Variants in ZFP57 observed in about 807,000 individuals in gnomAD.
The protein encoded by ZFP57 is ZFP57 zinc finger protein.
Under a neutral mutation model 15.8 loss-of-function variants are expected in ZFP57, and 12 were observed. The ratio of observed to expected loss-of-function variants is 0.76; its 90% CI spans 0.49 to 1.23. ZFP57 has a LOEUF of 1.23. Ranked by LOEUF, ZFP57 falls within the 50% of genes most tolerant of loss-of-function variation. The probability of loss-of-function intolerance (pLI) is 0.00; values close to 1 mark genes in which losing one functional copy is unlikely to be tolerated. For missense variants in ZFP57, 536 were observed against 654.9 expected, an observed-to-expected ratio of 0.82 and a Z score of 1.98; for synonymous variants, 203 against 242.3, an observed-to-expected ratio of 0.84 and a Z score of 1.51.
At chr6:29,672,482 C>T (rs925001776), downstream of ZFP57, 1 of 1,612,900 alleles carries the variant, frequency 6.2e-7, no homozygotes, top group East Asian at 2.2e-5. Flanking sequence ...AAAGAAAGAG[C>T]TCAGTCAGAA....
Position 29,672,728 on chromosome 6 carries a change from G to T in ZFP57, c.1383C>A (p.Gly461=). 2 of 1,613,056 alleles carry T rather than the reference G, an allele frequency of 1.2e-6. No individual in the cohort carries two copies. The highest frequency in any genetic ancestry group is 1.7e-6 in the Non-Finnish European group (2 of 1,180,026). ...EKEGLMDHWR[G]YKGKDLCQSS... ...TCTGGCACAGGTCCTTGCCTTTATA[G>T]CCCCTCCAGTGATCCATAAGGCCCT... Residue 461 remains glycine, a synonymous_variant, in exon 5 of 5, where the codon GGC becomes GGA. Coordinates refer to ENST00000376883, the MANE Select transcript of ZFP57 (RefSeq NM_001109809.5).
At chr6:29,678,661 CTAGT>C (rs1228175640) in intron 1 of ZFP57, among the ~76,000 whole-genome samples, 2 of 151,952 alleles carry the variant, frequency 1.3e-5, no homozygotes, top group African/African-American at 4.8e-5. Flanking sequence ...TATCTTATTA[CTAGT>C]TATTGTTGTC....
Position 29,672,795 on chromosome 6 carries a change from C to T in ZFP57, c.1316G>A (p.Ser439Asn). 2 of 1,613,100 alleles carry T rather than the reference C, an allele frequency of 1.2e-6. No homozygotes were observed. The highest frequency in any genetic ancestry group is 1.1e-5 in the South Asian group (1 of 91,088). Residue 439 changes from serine to asparagine, a missense_variant, in exon 5 of 5, where the codon AGC becomes AAC. Ser to Asn is a conservative substitution (Grantham distance 46, BLOSUM62 1). Transcript: ENST00000376883. ...RHQQTHWKQK[S>N]YLCPICDLSF... The stretch of plus-strand genomic sequence containing the variant: ...GAGGTCACAGATAGGGCAAAGGTAG[C>T]TCTTCTGCTTCCAGTGGGTCTGCTG...
chr6:29,674,168 AGAAGAAGAAGAAGAAG>A (rs1771940718), intron 4 of ZFP57, among the ~76,000 whole-genome samples: 2 of 148,806 alleles, frequency 1.3e-5, no homozygotes, highest in East Asian at 2.0e-4. Flanking sequence ...GAAGAGAAGG[AGAAGAAGAAGAAGAAG>A]GAAGAAGAAG....
intron 4 of ZFP57, among the ~76,000 whole-genome samples, chr6:29,674,274 G>A (rs145888562): frequency 1.1e-3 from 170 of 152,256 alleles, no homozygotes; most frequent in African/African-American, 3.9e-3. Context: ...CTCCAACACA[G>A]CACTCCATTC....
Position 29,676,959 on chromosome 6 carries a change from G to T in ZFP57, c.45C>A (p.Leu15=). The T allele has an allele frequency of 6.2e-7, 1 of 1,614,186 alleles. No individual in the cohort carries two copies. Among genetic ancestry groups the T allele is most frequent in the Non-Finnish European group, 8.5e-7 (1 of 1,180,026 alleles). Residue 15 remains leucine, a synonymous_variant, in exon 2 of 5, where the codon CTC becomes CTA. Coordinates refer to ENST00000376883, the MANE Select transcript of ZFP57 (RefSeq NM_001109809.5). ...TGGCAGCTACCTCGCCCACCCATGGGAGCGTCTTCTGTACAGGTTCGATTG... is the reference window on the plus strand; with the variant it reads ...TGGCAGCTACCTCGCCCACCCATGGTAGCGTCTTCTGTACAGGTTCGATTG... ...LKPIEPVQKT[L]PWVGEVAATL... is the part of the protein sequence containing the mutation.
intron 4 of ZFP57, among the ~76,000 whole-genome samples, chr6:29,674,251 G>A (rs13219188): frequency 6.6e-6 from 1 of 151,898 alleles, no homozygotes; most frequent in Non-Finnish European, 1.5e-5. Flanking sequence ...AAGAAGAAGA[G>A]GAAGAAGAAG....
intron 1 of ZFP57, among the ~76,000 whole-genome samples, chr6:29,679,810 G>A (rs1215672234): frequency 1.3e-5 from 2 of 152,206 alleles, no homozygotes; most frequent in Non-Finnish European, 2.9e-5. Flanking sequence ...CTTGAACCCG[G>A]GAGGCAGAGG....
chr6:29,680,664 G>T (rs1772296012), intron 1 of ZFP57, among the ~76,000 whole-genome samples: 1 of 152,180 alleles, frequency 6.6e-6, no homozygotes. Flanking sequence ...TCCGGTGGCC[G>T]GGAACAAAGC....
At position 29,676,022 on chromosome 6, in the gene ZFP57, G is replaced by A; in HGVS notation, c.161C>T (p.Thr54Ile). The change falls in exon 3 of 5, where the codon ACC (threonine) becomes ATC (isoleucine). Residue 54 changes from threonine (T) to isoleucine (I), a missense_variant. By Grantham distance (89) the Thr-to-Ile change is moderately conservative. Transcript: ENST00000376883. Reference sequence around the variant, plus strand: ...ATCTAGACAGTCCCACTCTTCCTGGGTGAAATTCACTGCCACATCCTCAAA... The same window carrying A: ...ATCTAGACAGTCCCACTCTTCCTGGATGAAATTCACTGCCACATCCTCAAA... ...VTFEDVAVNF[T>I]QEEWDCLDAS... 1 of 1,613,448 alleles carries A rather than the reference G, an allele frequency of 6.2e-7. No homozygotes were observed. Among genetic ancestry groups the A allele is most frequent in the African/African-American group, 1.3e-5 (1 of 74,998 alleles).
In ZFP57 at chr6:29,673,142, A is replaced by G. The variant is rs768950408; in HGVS notation, c.969T>C (p.His323=). Residue 323 remains histidine, a synonymous_variant, in exon 5 of 5, where the codon CAT becomes CAC. Coordinates refer to ENST00000376883, the MANE Select transcript of ZFP57 (RefSeq NM_001109809.5). This position sits in a 1 kb window ranked among gnomAD's most constrained non-coding sequence, Gnocchi z 4.7. ...GTTCCTGGGACCTGGCCACTGGTGC[A>G]TGGTTCACATCCAAAAGCCCCTGGA... ...RSIQGLLDVN[H]APVARSQEPI... is the part of the protein sequence containing the mutation. 10 of 1,612,942 alleles carry G rather than the reference A, an allele frequency of 6.2e-6. No individual in the cohort carries two copies. Among genetic ancestry groups the G allele is most frequent in the Non-Finnish European group, 8.5e-6 (10 of 1,179,996 alleles).
chr6:29,672,524 T>TG lies in ZFP57; in HGVS notation c.1586dup (p.Val530SerfsTer7). 6.2e-7 allele frequency: 1 copy of TG among 1,613,044 alleles called. No individual in the cohort carries two copies. The highest frequency in any genetic ancestry group is 8.5e-7 in the Non-Finnish European group (1 of 1,180,022). On this transcript the variant is annotated frameshift_variant, in exon 5 of 5. Coordinates refer to ENST00000376883, the MANE Select transcript of ZFP57 (RefSeq NM_001109809.5). LOFTEE classifies it high-confidence loss of function. Reference sequence around the variant, plus strand: ...TTTATTTATGTTTCAAGATGCTCACTGCCTCCTTTGTTTTGTCTCCTTTGC... The same window carrying TG: ...TTTATTTATGTTTCAAGATGCTCACTGGCCTCCTTTGTTTTGTCTCCTTTGC...
chr6:29,672,626 C>G lies in ZFP57; in HGVS notation c.1485G>C (p.Glu495Asp), dbSNP rs749915090. The change falls in exon 5 of 5, where the codon GAG (glutamate) becomes GAC (aspartate). Residue 495 changes from glutamate to aspartate, a missense_variant. Transcript: ENST00000376883. ...FSHDVPTMAGEEWKHGGDQSP... is the reference protein window; with the variant it reads ...FSHDVPTMAGDEWKHGGDQSP... Reference sequence around the variant, plus strand: ...ATTGATCACCTCCATGCTTCCATTCCTCCCCAGCCATAGTGGGGACATCAT... The same window carrying G: ...ATTGATCACCTCCATGCTTCCATTCGTCCCCAGCCATAGTGGGGACATCAT... The G allele has an allele frequency of 1.2e-6, 2 of 1,610,894 alleles. No homozygotes were observed. Among genetic ancestry groups the G allele is most frequent in the South Asian group, 2.2e-5 (2 of 91,064 alleles).
chr6:29,673,850 T>G lies in ZFP57; in HGVS notation c.353-92A>C. On this transcript the variant is annotated intron_variant, in intron 4 of 4. Transcript: ENST00000376883. This position sits in a 1 kb window ranked among gnomAD's most constrained non-coding sequence, Gnocchi z 4.7. ...GGCTCACACCTGTAATCCCAGCACT[T>G]TGGGAGGCCGAGGCCAGCGGATCAC... The G allele has an allele frequency of 6.6e-7, 1 of 1,517,772 alleles. No homozygotes were observed. The highest frequency in any genetic ancestry group is 2.3e-5 in the East Asian group (1 of 44,432). The allele number at this position is 1,517,772 out of a possible 1,614,324, so 94.0% of individuals were successfully genotyped here. A position where few individuals can be genotyped will look rare whatever the true frequency, so the allele number is the denominator to read the frequency against.
intron 4 of ZFP57, among the ~76,000 whole-genome samples, chr6:29,674,972 GTGAA>G: frequency 6.6e-6 from 1 of 151,924 alleles, no homozygotes; most frequent in Non-Finnish European, 1.5e-5. Flanking sequence ...GGCCAACATG[GTGAA>G]ACCCTGTCTC....
chr6:29,677,347 T>C lies in ZFP57; in HGVS notation c.-344A>G, dbSNP rs940208454. On this transcript the variant is annotated 5_prime_UTR_variant, in exon 2 of 5. Coordinates refer to ENST00000376883, the MANE Select transcript of ZFP57 (RefSeq NM_001109809.5). ...CCTGGGCTAGGTGTCTGCCGTCTGT[T>C]CTACCCTGCTTCTAGAAACCTGAGG... The C allele has an allele frequency of 2.6e-6, 1 of 377,704 alleles. No individual in the cohort carries two copies. The highest frequency in any genetic ancestry group is 2.1e-5 in the African/African-American group (1 of 48,526). The allele number at this position is 377,704 out of a possible 1,614,324, so 23.4% of individuals were successfully genotyped here. A position where few individuals can be genotyped will look rare whatever the true frequency, so the allele number is the denominator to read the frequency against.
chr6:29,676,797 T>C, intron 2 of ZFP57, 84 bp downstream of exon 2: 2 of 1,552,946 alleles, frequency 1.3e-6, no homozygotes, highest in Non-Finnish European at 1.8e-6. Context: ...GAGATTTCAT[T>C]TGACCTGCAG....
intron 1 of ZFP57, among the ~76,000 whole-genome samples, chr6:29,678,117 T>C (rs987092506): frequency 6.6e-6 from 1 of 152,170 alleles, no homozygotes; most frequent in Non-Finnish European, 1.5e-5. Flanking sequence ...GGCAGGAGAA[T>C]CACTTGAACC....
At chr6:29,678,838 G>T (rs767219943) in intron 1 of ZFP57, among the ~76,000 whole-genome samples, 42 of 152,206 alleles carry the variant, frequency 2.8e-4, no homozygotes, top group Non-Finnish European at 5.3e-4. Context: ...TTTGAGACCA[G>T]CCTGGCCAAC....
Sources: allele counts gnomAD v4.1 joint callset (sites outside exome capture counted in the v4.1 genomes callset), GRCh38; gene constraint gnomAD v4.1.1; non-coding constraint Gnocchi (gnomAD v3.1); transcripts MANE v1.5; gene names NCBI Gene and HGNC (gene_info 2026-07-23, HGNC 2026-07-21).